Variants in HMGCLL1 observed in about 807,000 individuals in gnomAD.
HMGCLL1 encodes the protein 3-hydroxymethyl-3-methylglutaryl-CoA lyase, cytoplasmic.
Under a neutral mutation model 39.1 loss-of-function variants are expected in HMGCLL1, and 36 were observed. The observed-to-expected ratio is 0.92, with a 90% CI of 0.71 to 1.22. The LOEUF (loss-of-function observed/expected upper bound fraction) is 1.22, where lower values mean the gene tolerates loss of function less well. Ranked by LOEUF, HMGCLL1 falls within the 50% of genes most tolerant of loss-of-function variation. The probability of loss-of-function intolerance (pLI) is 0.00; values close to 1 mark genes in which losing one functional copy is unlikely to be tolerated. For synonymous variants in HMGCLL1, 149 were observed against 144.0 expected, an observed-to-expected ratio of 1.03 and a Z score of -0.25; for missense variants, 451 against 416.5, an observed-to-expected ratio of 1.08 and a Z score of -0.72.
At chr6:55,595,120 T>G in the HMGCLL1 span, among the ~76,000 whole-genome samples, 748 of 152,322 alleles carry the variant, frequency 4.9e-3, 8 homozygotes, top group African/African-American at 0.017. Flanking sequence ...AAATGAATTT[T>G]TAAGTATTTA....
At chr6:55,676,220 T>G in the HMGCLL1 span, among the ~76,000 whole-genome samples, 1 of 152,152 alleles carries the variant, frequency 6.6e-6, no homozygotes, top group Non-Finnish European at 1.5e-5. Flanking sequence ...AACACTCTTA[T>G]GCTTAATGTA....
At chr6:55,461,085 A>G (rs1055160353) in intron 7 of HMGCLL1, among the ~76,000 whole-genome samples, 5 of 151,844 alleles carry the variant, frequency 3.3e-5, no homozygotes, top group East Asian at 1.9e-4. Flanking sequence ...TGAATGTAGG[A>G]AAAAAAATCT....
chr6:55,611,903 G>C, the HMGCLL1 span, among the ~76,000 whole-genome samples: 3 of 152,216 alleles, frequency 2.0e-5, no homozygotes, highest in East Asian at 5.8e-4. Context: ...ACAAGAAAAG[G>C]ATGCCCCCTC....
chr6:55,659,960 C>T, the HMGCLL1 span, among the ~76,000 whole-genome samples: 2 of 151,864 alleles, frequency 1.3e-5, no homozygotes, highest in South Asian at 4.1e-4. Context: ...TCATTGAATT[C>T]ACTACTTCCA....
At chr6:55,563,617 T>C (rs1771070895) in intron 1 of HMGCLL1, among the ~76,000 whole-genome samples, 1 of 152,174 alleles carries the variant, frequency 6.6e-6, no homozygotes, top group Non-Finnish European at 1.5e-5. Context: ...TAATAGTAAA[T>C]GTTTCCAAGC....
the HMGCLL1 span, among the ~76,000 whole-genome samples, chr6:55,613,912 CAT>C: frequency 7.3e-3 from 1,104 of 152,194 alleles, 2 homozygotes; most frequent in Non-Finnish European, 0.011. Context: ...ACATTCTACA[CAT>C]GTATCCCAGA....
At chr6:55,513,782 T>A in intron 5 of HMGCLL1, 1 of 469,202 alleles carries the variant, frequency 2.1e-6, no homozygotes, top group East Asian at 3.7e-5. Flanking sequence ...TGCTAGAGTG[T>A]TAATAAAATA....
intron 1 of HMGCLL1, among the ~76,000 whole-genome samples, chr6:55,559,961 TA>T (rs1770861537): frequency 6.6e-6 from 1 of 152,168 alleles, no homozygotes; most frequent in African/African-American, 2.4e-5. Context: ...AAAAATAAAC[TA>T]CTTCTTATAT....
chr6:55,658,626 C>G, the HMGCLL1 span, among the ~76,000 whole-genome samples: 1 of 151,902 alleles, frequency 6.6e-6, no homozygotes, highest in Non-Finnish European at 1.5e-5. Flanking sequence ...TATAAAACCT[C>G]TTTATTTCAA....
At chr6:55,539,315 T>A (rs1176573503) in intron 3 of HMGCLL1, among the ~76,000 whole-genome samples, 1 of 152,188 alleles carries the variant, frequency 6.6e-6, no homozygotes, top group African/African-American at 2.4e-5. Flanking sequence ...GAAATGCCAT[T>A]TGACCCATCA....
chr6:55,670,472 A>G, the HMGCLL1 span, among the ~76,000 whole-genome samples: 2 of 151,900 alleles, frequency 1.3e-5, no homozygotes, highest in Non-Finnish European at 1.5e-5. Context: ...TTTGAGGTCT[A>G]TTAAATATAT....
At chr6:55,677,057 GC>G in the HMGCLL1 span, among the ~76,000 whole-genome samples, 3 of 152,288 alleles carry the variant, frequency 2.0e-5, no homozygotes, top group African/African-American at 7.2e-5. Context: ...TTATTTCTAG[GC>G]TTTTTCAAGC....
At chr6:55,658,156 G>C in the HMGCLL1 span, among the ~76,000 whole-genome samples, 1 of 151,832 alleles carries the variant, frequency 6.6e-6, no homozygotes, top group Non-Finnish European at 1.5e-5. Context: ...AGGACAAAAG[G>C]TTGATTTGAC....
upstream of HMGCLL1, among the ~76,000 whole-genome samples, chr6:55,582,476 T>G (rs994717925): frequency 6.6e-6 from 1 of 152,032 alleles, no homozygotes; most frequent in East Asian, 1.9e-4. Context: ...CCTCTGGGGG[T>G]GGGGGTAAGT....
the HMGCLL1 span, among the ~76,000 whole-genome samples, chr6:55,598,902 T>A: frequency 6.6e-6 from 1 of 152,298 alleles, no homozygotes; most frequent in East Asian, 1.9e-4. Context: ...TGATAAATTA[T>A]CTGAACAATA....
the HMGCLL1 span, among the ~76,000 whole-genome samples, chr6:55,646,568 C>T: frequency 2.0e-5 from 3 of 151,848 alleles, no homozygotes; most frequent in African/African-American, 7.2e-5. Flanking sequence ...TTTGCTCCAT[C>T]CCATAGGTTT....
chr6:55,503,748 T>C (rs896257208), intron 5 of HMGCLL1, among the ~76,000 whole-genome samples: 2 of 151,668 alleles, frequency 1.3e-5, no homozygotes, highest in Admixed American at 6.6e-5. Flanking sequence ...GCATTTGCCA[T>C]TTAAAAAAAT....
the HMGCLL1 span, among the ~76,000 whole-genome samples, chr6:55,611,275 A>C: frequency 9.9e-5 from 15 of 152,170 alleles, no homozygotes; most frequent in African/African-American, 3.6e-4. Flanking sequence ...TAAGAGGAAA[A>C]TTTATAGCAC....
intron 7 of HMGCLL1, among the ~76,000 whole-genome samples, chr6:55,465,252 T>C (rs1366227871): frequency 6.6e-6 from 1 of 152,156 alleles, no homozygotes; most frequent in Non-Finnish European, 1.5e-5. Flanking sequence ...TGAAATTTTG[T>C]CAAATGCTCT....
Sources: gnomAD v4.1 joint callset for allele counts (sites outside exome capture counted in the v4.1 genomes callset) on GRCh38, gnomAD v4.1.1 for gene constraint, MANE v1.5 for transcripts, NCBI Gene and HGNC (gene_info 2026-07-23, HGNC 2026-07-21) for gene names.